Variants in NLGN1 observed in about 807,000 individuals in gnomAD.
NLGN1 encodes neuroligin 1.
In NLGN1, 12 loss-of-function variants were observed where a neutral mutation model predicts 65.5. That is an observed-to-expected ratio of 0.18 (90% CI 0.12 to 0.30). The LOEUF is 0.30. NLGN1 is among the 10% of genes least tolerant of loss of function. The pLI, the probability that NLGN1 is intolerant of heterozygous loss-of-function variation, is 1.00. For synonymous variants in NLGN1, 350 were observed against 359.5 expected (o/e 0.97, Z 0.30); for missense variants, 750 against 1,007.1 (o/e 0.74, Z 3.46).
chr3:173,550,624 A>G (rs374442196), intron 2 of NLGN1, among the ~76,000 whole-genome samples: 3 of 151,744 alleles, frequency 2.0e-5, no homozygotes, highest in African/African-American at 7.3e-5. Context: ...TACAAACCAC[A>G]TTTGTAACCT....
At chr3:174,066,727 A>G (rs919064209) in intron 4 of NLGN1, among the ~76,000 whole-genome samples, 2 of 152,044 alleles carry the variant, frequency 1.3e-5, no homozygotes, top group Non-Finnish European at 2.9e-5. Context: ...TAAAATGCTA[A>G]ACTTAAATGG....
chr3:173,429,677 C>A (rs966715555), intron 1 of NLGN1, among the ~76,000 whole-genome samples: 2 of 152,110 alleles, frequency 1.3e-5, no homozygotes, highest in African/African-American at 4.8e-5. Flanking sequence ...TTTTTGAGTA[C>A]CCTCAGCCCA....
In NLGN1 at chr3:173,917,841, TTGTGTG is replaced by T. The variant is rs145802137; in HGVS notation, c.646+110033_646+110038del. On this transcript the variant is annotated intron_variant, in intron 4 of 6. Coordinates refer to ENST00000457714, the Ensembl canonical transcript of NLGN1. Reference sequence around the variant, plus strand: ...GCTCTGAAATTCTTACAAAGCAACATTGTGTGTGTGTGTGTGTGTGTGTGTGTGTTG... The same window carrying T: ...GCTCTGAAATTCTTACAAAGCAACATTGTGTGTGTGTGTGTGTGTGTGTTG... 1.4e-4 allele frequency among the ~76,000 whole-genome samples: 21 copies of T among 146,492 alleles called. 1 individual carries two copies. The highest frequency in any genetic ancestry group is 3.8e-4 in the African/African-American group (15 of 39,506).
chr3:173,661,615 G>T (rs1760939989), intron 3 of NLGN1, among the ~76,000 whole-genome samples: 1 of 151,966 alleles, frequency 6.6e-6, no homozygotes, highest in South Asian at 2.1e-4. Flanking sequence ...TTTGGCCTGT[G>T]TCTTGCTAAA....
chr3:173,959,633 T>A (rs1385284665), intron 4 of NLGN1, among the ~76,000 whole-genome samples: 2 of 152,224 alleles, frequency 1.3e-5, no homozygotes, highest in Non-Finnish European at 2.9e-5. Context: ...AAAGCTCTGC[T>A]TGGTCAACTT....
chr3:173,575,257 T>C (rs181210343), intron 2 of NLGN1, among the ~76,000 whole-genome samples: 3 of 152,156 alleles, frequency 2.0e-5, no homozygotes, highest in East Asian at 3.9e-4. Flanking sequence ...CAAACACATA[T>C]GAGCATCAGT....
intron 4 of NLGN1, among the ~76,000 whole-genome samples, chr3:174,219,138 T>C (rs1250046679): frequency 2.0e-5 from 3 of 152,236 alleles, no homozygotes; most frequent in African/African-American, 7.2e-5. Context: ...ATGATGTCAA[T>C]AGCACCAGCT....
At chr3:173,674,702 G>A (rs1028773350) in intron 3 of NLGN1, among the ~76,000 whole-genome samples, 8 of 151,886 alleles carry the variant, frequency 5.3e-5, no homozygotes, top group South Asian at 2.1e-4. Flanking sequence ...TAATTATTAC[G>A]GTAGCTTTTA....
chr3:173,537,224 C>G lies in NLGN1; in HGVS notation c.-320-67055C>G, dbSNP rs551512567. Among the ~76,000 whole-genome samples, 12 of 152,264 alleles carry G rather than the reference C, an allele frequency of 7.9e-5. 1 individual carries two copies. In the South Asian group the frequency reaches 2.5e-3, roughly 32 times the overall value. ...TAATGATCACAAATCCACGTGTTGT[C>G]AACTTGACATCCATATGTATCTCCT... On this transcript the variant is annotated intron_variant, in intron 2 of 6. Transcript: ENST00000457714.
At chr3:173,421,489 G>A (rs983853458) in intron 1 of NLGN1, among the ~76,000 whole-genome samples, 3 of 151,250 alleles carry the variant, frequency 2.0e-5, no homozygotes, top group Non-Finnish European at 4.4e-5. Context: ...ATAGAAAAAG[G>A]ATCAATTTTA....
intron 3 of NLGN1, among the ~76,000 whole-genome samples, chr3:173,800,887 T>C (rs1388346989): frequency 6.6e-6 from 1 of 151,998 alleles, no homozygotes; most frequent in Non-Finnish European, 1.5e-5. Flanking sequence ...TTCTGTTTAT[T>C]TGCTTAAATG....
chr3:173,765,801 A>G (rs1218618753), intron 3 of NLGN1, among the ~76,000 whole-genome samples: 1 of 152,136 alleles, frequency 6.6e-6, no homozygotes, highest in East Asian at 1.9e-4. Flanking sequence ...GAAAAACAGA[A>G]TGACTGCCAT....
intron 3 of NLGN1, among the ~76,000 whole-genome samples, chr3:173,629,006 A>T (rs546800378): frequency 5.9e-4 from 90 of 152,124 alleles, no homozygotes; most frequent in Admixed American, 1.9e-3. Context: ...TATCTCAGTG[A>T]GATCAGAGCA....
chr3:174,172,556 C>A (rs1312143768), intron 4 of NLGN1, among the ~76,000 whole-genome samples: 1 of 152,088 alleles, frequency 6.6e-6, no homozygotes, highest in African/African-American at 2.4e-5. Flanking sequence ...TTTCCCAGCA[C>A]CATCTATTGA....
intron 4 of NLGN1, among the ~76,000 whole-genome samples, chr3:173,958,559 G>GT: frequency 6.6e-6 from 1 of 152,260 alleles, no homozygotes; most frequent in East Asian, 1.9e-4. Flanking sequence ...ACAGTCTGGG[G>GT]TTTTTATGGG....
At chr3:173,620,657 A>T (rs1238534613) in intron 3 of NLGN1, among the ~76,000 whole-genome samples, 2 of 152,158 alleles carry the variant, frequency 1.3e-5, no homozygotes, top group Admixed American at 1.3e-4. Context: ...GAAAATAAAG[A>T]CATCTATATG....
chr3:173,894,562 T>C (rs1735990909), intron 4 of NLGN1, among the ~76,000 whole-genome samples: 1 of 152,110 alleles, frequency 6.6e-6, no homozygotes, highest in South Asian at 2.1e-4. Context: ...ATTGTTTCCA[T>C]ACCAATTACC....
At chr3:173,511,612 C>CT (rs1732989969) in intron 2 of NLGN1, among the ~76,000 whole-genome samples, 2 of 151,914 alleles carry the variant, frequency 1.3e-5, no homozygotes, top group South Asian at 4.2e-4. Context: ...CTTGTTAGAC[C>CT]TTTTTTGGTT....
intron 2 of NLGN1, among the ~76,000 whole-genome samples, chr3:173,539,689 T>C (rs1018135730): frequency 2.0e-4 from 28 of 139,650 alleles, no homozygotes; most frequent in Non-Finnish European, 3.3e-4. Context: ...CATACATATA[T>C]GTACATATGC....
Sources: gnomAD v4.1 joint callset for allele counts (sites outside exome capture counted in the v4.1 genomes callset) on GRCh38, gnomAD v4.1.1 for gene constraint, MANE v1.5 for transcripts, NCBI Gene and HGNC (gene_info 2026-07-23, HGNC 2026-07-21) for gene names.